The following ITGA11 variants were observed in gnomAD, a reference collection of about 807,000 sequenced individuals.
The protein encoded by ITGA11 is integrin subunit alpha 11.
Under a neutral mutation model 141.9 loss-of-function variants are expected in ITGA11, and 97 were observed. The observed-to-expected ratio is 0.68, with a 90% CI of 0.58 to 0.81. ITGA11 has a LOEUF of 0.81. ITGA11 is among the 30% of genes least tolerant of loss of function. ITGA11 has a pLI of 0.00. For missense variants in ITGA11, 1,387 were observed against 1,559.2 expected, an observed-to-expected ratio of 0.89 and a Z score of 1.86; for synonymous variants, 658 against 624.6, an observed-to-expected ratio of 1.05 and a Z score of -0.80.
chr15:68,412,985 A>T (rs1333187789), intron 1 of ITGA11, among the ~76,000 whole-genome samples: 1 of 152,194 alleles, frequency 6.6e-6, no homozygotes, highest in Non-Finnish European at 1.5e-5. Flanking sequence ...CCAGGACTTT[A>T]TCTTTAAGAA....
At position 68,335,299 on chromosome 15, in the gene ITGA11, CCT is replaced by C. The variant is rs1309222265; in HGVS notation, c.1425+396_1425+397del. 6.6e-6 allele frequency among the ~76,000 whole-genome samples: 1 copy of C among 152,150 alleles called. No homozygotes were observed. The highest frequency in any genetic ancestry group is 1.5e-5 in the Non-Finnish European group (1 of 68,022). On this transcript the variant is annotated intron_variant, in intron 12 of 29. Coordinates refer to ENST00000315757, the MANE Select transcript of ITGA11 (RefSeq NM_001004439.2). The surrounding 1 kb of genome is among the most constrained non-coding windows in gnomAD (Gnocchi z 4.9). ...TTGCTTCCCAGGAGCCCAGTTTTCC[CCT>C]GTGCTGGAAGTGACTTGGGATTGGA...
chr15:68,400,097 T>C (rs559282832), intron 2 of ITGA11, among the ~76,000 whole-genome samples: 2 of 152,032 alleles, frequency 1.3e-5, no homozygotes, highest in South Asian at 4.2e-4. Context: ...TAAAATAGAG[T>C]CAAGAAATAG....
intron 20 of ITGA11, among the ~76,000 whole-genome samples, chr15:68,319,370 G>C (rs563734332): frequency 6.6e-6 from 1 of 152,252 alleles, no homozygotes; most frequent in African/African-American, 2.4e-5. Flanking sequence ...GCTGGACGCC[G>C]TGAGTAGGCA....
intron 2 of ITGA11, among the ~76,000 whole-genome samples, chr15:68,374,837 A>G (rs113211682): frequency 0.016 from 2,404 of 152,246 alleles, 78 homozygotes; most frequent in African/African-American, 0.054. Context: ...CAAGGCCTCA[A>G]CCTCACATCC....
At chr15:68,417,990 A>G (rs4299097) in intron 1 of ITGA11, among the ~76,000 whole-genome samples, 5,911 of 152,292 alleles carry the variant, frequency 0.039, 389 homozygotes, top group African/African-American at 0.13. Context: ...AAGTTCCACA[A>G]AGGAAGGGAC....
intron 23 of ITGA11, among the ~76,000 whole-genome samples, chr15:68,313,514 C>T (rs1893464278): frequency 6.6e-6 from 1 of 152,192 alleles, no homozygotes; most frequent in Non-Finnish European, 1.5e-5. Context: ...CCTCCCACTG[C>T]CCCCACCCTC....
At chr15:68,416,891 G>A (rs1896899586) in intron 1 of ITGA11, among the ~76,000 whole-genome samples, 2 of 152,138 alleles carry the variant, frequency 1.3e-5, no homozygotes, top group South Asian at 2.1e-4. Context: ...ACTCCAAACC[G>A]GGTGACATAT....
Position 68,322,670 on chromosome 15 carries a change from C to A in ITGA11, c.2323-1167G>T, listed in dbSNP as rs1052541879. Among the ~76,000 whole-genome samples, 8 of 151,944 alleles carry A rather than the reference C, an allele frequency of 5.3e-5. No homozygotes were observed. Among genetic ancestry groups the A allele is most frequent in the African/African-American group, 1.7e-4 (7 of 41,352 alleles). ...TCAACTGAGGTCAGGAGTTCAAGAA[C>A]AACCAGGCCAACATGGTGAAACTTT... On this transcript the variant is annotated intron_variant, in intron 18 of 29. Transcript: ENST00000315757. The surrounding 1 kb of genome is among the most constrained non-coding windows in gnomAD (Gnocchi z 5.6).
intron 2 of ITGA11, among the ~76,000 whole-genome samples, chr15:68,384,339 G>A (rs926218714): frequency 1.3e-5 from 2 of 151,900 alleles, no homozygotes; most frequent in African/African-American, 4.8e-5. Context: ...GAGATGCAAG[G>A]AACCTTAGGA....
intron 2 of ITGA11, among the ~76,000 whole-genome samples, chr15:68,379,730 C>T (rs1376271979): frequency 6.6e-6 from 1 of 152,174 alleles, no homozygotes; most frequent in Non-Finnish European, 1.5e-5. Context: ...CCTGACAAAC[C>T]CTTGCTTATT....
chr15:68,341,195 C>T (rs978665996), intron 10 of ITGA11, among the ~76,000 whole-genome samples: 1 of 152,192 alleles, frequency 6.6e-6, no homozygotes, highest in Non-Finnish European at 1.5e-5. Context: ...TTATGTTTCA[C>T]GTTGTACTTT....
chr15:68,345,932 C>T (rs1894730310), intron 10 of ITGA11, among the ~76,000 whole-genome samples: 1 of 152,218 alleles, frequency 6.6e-6, no homozygotes, highest in Admixed American at 6.5e-5. Context: ...CCAGCCAGCC[C>T]ATCATGCTTG....
chr15:68,311,431 T>C lies in ITGA11; in HGVS notation c.2974-28A>G, dbSNP rs150948033. The C allele has an allele frequency of 1.4e-4, 207 of 1,476,568 alleles. 1 individual carries two copies. The East Asian group carries it at 5.1e-3, about 36-fold the overall frequency. 91.5% of individuals were successfully genotyped at this position (1,476,568 alleles called of 1,614,324 possible). ...GTGGCCAGAGACAGGGAGGTGTCAG[T>C]ACAGTCAGTTGAGGGGGGTGGAAAA... On this transcript the variant is annotated intron_variant, in intron 24 of 29. Coordinates refer to ENST00000315757, the MANE Select transcript of ITGA11 (RefSeq NM_001004439.2).
intron 2 of ITGA11, among the ~76,000 whole-genome samples, chr15:68,373,648 G>T (rs1344286597): frequency 2.0e-5 from 3 of 152,172 alleles, no homozygotes; most frequent in African/African-American, 7.2e-5. Flanking sequence ...TCCCCCAGCT[G>T]CAGTGATTGA....
chr15:68,302,816 GT>G lies in ITGA11; in HGVS notation c.*242del. 2.0e-6 allele frequency: 1 copy of G among 502,260 alleles called. No individual in the cohort carries two copies. Among genetic ancestry groups the G allele is most frequent in the East Asian group, 3.5e-5 (1 of 28,598 alleles). The allele number at this position is 502,260 out of a possible 1,614,324, so 31.1% of individuals were successfully genotyped here. ...CATGGGCCTGGGTGTGTGTAGGGGT[GT>G]CCCTTTAAATCCCTAGGGGTCTGTG... On this transcript the variant is annotated 3_prime_UTR_variant, in exon 30 of 30. Transcript: ENST00000315757.
At position 68,302,107 on chromosome 15, in the gene ITGA11, T is replaced by A. The variant is rs1257695221; in HGVS notation, c.*952A>T. The A allele has an allele frequency of 2.8e-5, 3 of 106,048 alleles. No individual in the cohort carries two copies. Among genetic ancestry groups the A allele is most frequent in the African/African-American group, 1.1e-4 (3 of 26,548 alleles). The allele number at this position is 106,048 out of a possible 1,614,324, so 6.6% of individuals were successfully genotyped here. Reference sequence around the variant, plus strand: ...GTGTGTGTGTGTGTGTGTGTGTGTGTGTGTGTGTAGGGAGGGGGTGATACA... The same window carrying A: ...GTGTGTGTGTGTGTGTGTGTGTGTGAGTGTGTGTAGGGAGGGGGTGATACA... On this transcript the variant is annotated 3_prime_UTR_variant, in exon 30 of 30. Transcript: ENST00000315757.
rs1296394016 is a variant in ITGA11 at position 68,321,150 on chromosome 15, C to T, written c.2408+268G>A. 2.2e-5 allele frequency among the ~76,000 whole-genome samples: 3 copies of T among 135,290 alleles called. No individual in the cohort carries two copies. Among genetic ancestry groups the T allele is most frequent in the Non-Finnish European group, 4.7e-5 (3 of 64,272 alleles). The allele number at this position is 135,290 out of a possible 152,430, so 88.8% of individuals were successfully genotyped here. ...TTTCATCTATTTTGTAATGTGGGCT[C>T]CGAAGAAAGGGTTTCTTTTTTTTTT... On this transcript the variant is annotated intron_variant, in intron 19 of 29. Transcript: ENST00000315757. This position sits in a 1 kb window ranked among gnomAD's most constrained non-coding sequence, Gnocchi z 4.9.
chr15:68,341,916 G>A (rs1378887167), intron 10 of ITGA11, among the ~76,000 whole-genome samples: 4 of 152,184 alleles, frequency 2.6e-5, no homozygotes, highest in African/African-American at 9.7e-5. Flanking sequence ...CCAGGCGATC[G>A]CTTACAGTCT....
chr15:68,340,374 G>C (rs1186855831), intron 10 of ITGA11, among the ~76,000 whole-genome samples: 1 of 152,220 alleles, frequency 6.6e-6, no homozygotes, highest in East Asian at 1.9e-4. Context: ...TAGAGCCAGA[G>C]AGAAAGAAGA....
Sources: gnomAD v4.1 joint callset for allele counts (sites outside exome capture counted in the v4.1 genomes callset) on GRCh38, gnomAD v4.1.1 for gene constraint, Gnocchi (gnomAD v3.1) non-coding constraint, MANE v1.5 for transcripts, NCBI Gene and HGNC (gene_info 2026-07-23, HGNC 2026-07-21) for gene names.